PABPC4L: variants seen among roughly 807,000 people sequenced by gnomAD.
PABPC4L encodes polyadenylate-binding protein 4-like.
For missense variants in PABPC4L, 452 were observed against 451.4 expected (o/e 1.00, Z -0.01); for synonymous variants, 169 against 164.1 (o/e 1.03, Z -0.23).
the PABPC4L span, among the ~76,000 whole-genome samples, chr4:134,183,734 T>A: frequency 3.3e-5 from 5 of 151,922 alleles, no homozygotes; most frequent in African/African-American, 1.2e-4. Context: ...CATCTAAGAA[T>A]AAAACTAATA....
At chr4:134,023,032 A>C in the PABPC4L span, among the ~76,000 whole-genome samples, 3 of 152,016 alleles carry the variant, frequency 2.0e-5, no homozygotes, top group African/African-American at 7.2e-5. Flanking sequence ...CTGGAAGTTG[A>C]TTTAGCCAGA....
chr4:134,116,458 C>T, the PABPC4L span, among the ~76,000 whole-genome samples: 3 of 151,876 alleles, frequency 2.0e-5, no homozygotes, highest in African/African-American at 4.8e-5. Flanking sequence ...AGAAAATCCA[C>T]AAACCCCTTT....
the PABPC4L span, among the ~76,000 whole-genome samples, chr4:134,134,369 GA>G: frequency 6.6e-6 from 1 of 151,902 alleles, no homozygotes; most frequent in Non-Finnish European, 1.5e-5. Flanking sequence ...TAAGAACTTA[GA>G]TTAAAAAAGT....
the PABPC4L span, among the ~76,000 whole-genome samples, chr4:134,004,970 G>C: frequency 6.6e-6 from 1 of 151,800 alleles, no homozygotes; most frequent in African/African-American, 2.4e-5. Context: ...GACGGGGTTG[G>C]TAAGTGGAGA....
the PABPC4L span, among the ~76,000 whole-genome samples, chr4:134,035,878 G>C: frequency 1.6e-4 from 24 of 151,912 alleles, no homozygotes; most frequent in Non-Finnish European, 2.5e-4. Context: ...ATTTTCATTT[G>C]CTTGTTTTTC....
chr4:133,958,040 A>T, the PABPC4L span, among the ~76,000 whole-genome samples: 1 of 152,214 alleles, frequency 6.6e-6, no homozygotes, highest in Admixed American at 6.5e-5. Context: ...GGCAACTAAT[A>T]TTTGGCTCCT....
the PABPC4L span, among the ~76,000 whole-genome samples, chr4:134,157,665 G>T: frequency 1.3e-5 from 2 of 151,464 alleles, no homozygotes; most frequent in African/African-American, 2.4e-5. Context: ...CATCAATTTT[G>T]TACTTTTGGA....
the PABPC4L span, among the ~76,000 whole-genome samples, chr4:134,074,015 T>A: frequency 1.3e-5 from 2 of 152,120 alleles, no homozygotes; most frequent in African/African-American, 2.4e-5. Flanking sequence ...CCTGGAGACA[T>A]TTTCTCTGTT....
the PABPC4L span, among the ~76,000 whole-genome samples, chr4:134,074,362 C>T: frequency 4.6e-5 from 7 of 152,174 alleles, no homozygotes; most frequent in Admixed American, 3.3e-4. Context: ...CTTCATCGTC[C>T]ATATCACTGT....
the PABPC4L span, among the ~76,000 whole-genome samples, chr4:133,979,703 C>A: frequency 6.6e-6 from 1 of 152,100 alleles, no homozygotes; most frequent in East Asian, 1.9e-4. Context: ...AGAAATCAAT[C>A]AGTTTTTTAG....
chr4:134,018,618 A>C, the PABPC4L span, among the ~76,000 whole-genome samples: 1 of 152,028 alleles, frequency 6.6e-6, no homozygotes, highest in Non-Finnish European at 1.5e-5. Flanking sequence ...TTGGATATCT[A>C]TGGATACAAA....
At chr4:133,978,289 G>A in the PABPC4L span, among the ~76,000 whole-genome samples, 1 of 152,128 alleles carries the variant, frequency 6.6e-6, no homozygotes, top group Admixed American at 6.6e-5. Flanking sequence ...AGTTCAGAAT[G>A]GGTAGTAGAA....
At chr4:134,140,876 A>G in the PABPC4L span, among the ~76,000 whole-genome samples, 11 of 151,432 alleles carry the variant, frequency 7.3e-5, no homozygotes, top group South Asian at 1.7e-3. Flanking sequence ...GTCCTTAGGG[A>G]AAAAAAATGT....
chr4:134,109,571 A>T, the PABPC4L span, among the ~76,000 whole-genome samples: 1 of 151,974 alleles, frequency 6.6e-6, no homozygotes, highest in East Asian at 1.9e-4. Flanking sequence ...ATAAGAGAAC[A>T]ATGCAAACTT....
chr4:134,201,452 G>A (rs934131265), intron 1 of PABPC4L, among the ~76,000 whole-genome samples: 3 of 152,160 alleles, frequency 2.0e-5, no homozygotes, highest in Non-Finnish European at 4.4e-5. Flanking sequence ...AGGCGTCAGA[G>A]GCCCCAGCCG....
chr4:134,065,795 T>C, the PABPC4L span, among the ~76,000 whole-genome samples: 1 of 152,154 alleles, frequency 6.6e-6, no homozygotes, highest in East Asian at 1.9e-4. Context: ...GATTTTTGTA[T>C]ATGGTGTAAG....
At chr4:134,127,288 A>G in the PABPC4L span, among the ~76,000 whole-genome samples, 2 of 151,972 alleles carry the variant, frequency 1.3e-5, no homozygotes, top group Non-Finnish European at 2.9e-5. Flanking sequence ...TATCTTCCCT[A>G]TACAACGGCA....
chr4:134,047,084 G>C, the PABPC4L span, among the ~76,000 whole-genome samples: 1 of 152,176 alleles, frequency 6.6e-6, no homozygotes, highest in Non-Finnish European at 1.5e-5. Flanking sequence ...CTGCCACTAT[G>C]ACTTGCTGTT....
chr4:134,159,062 A>C, the PABPC4L span, among the ~76,000 whole-genome samples: 4 of 152,180 alleles, frequency 2.6e-5, no homozygotes, highest in Non-Finnish European at 4.4e-5. Context: ...TGCATAGGGC[A>C]CTTATCATGA....
Sources: gnomAD v4.1 joint callset for allele counts (sites outside exome capture counted in the v4.1 genomes callset) on GRCh38, gnomAD v4.1.1 for gene constraint, MANE v1.5 for transcripts, NCBI Gene and HGNC (gene_info 2026-07-23, HGNC 2026-07-21) for gene names.